Variants in MSRA observed in about 807,000 individuals in gnomAD.
MSRA encodes the protein mitochondrial peptide methionine sulfoxide reductase.
MSRA carries 54 observed loss-of-function variants against 31.3 expected under a neutral mutation model. The observed-to-expected ratio is 1.73, with a 90% CI of 1.39 to 2.17. MSRA has a LOEUF of 2.17. Among genes scored for constraint, MSRA ranks in the 30% most tolerant of loss-of-function variants. The pLI is 0.00. For synonymous variants in MSRA, 169 were observed against 116.5 expected (o/e 1.45, Z -2.90); for missense variants, 507 against 300.9 (o/e 1.69, Z -5.07).
intron 1 of MSRA, among the ~76,000 whole-genome samples, chr8:10,158,115 C>T (rs941471341): frequency 3.9e-5 from 6 of 152,168 alleles, no homozygotes; most frequent in Admixed American, 6.5e-5. Flanking sequence ...GGAAGGGCCT[C>T]TTTTATAAGG....
At chr8:10,172,121 G>A (rs1252318879) in intron 1 of MSRA, among the ~76,000 whole-genome samples, 2 of 152,206 alleles carry the variant, frequency 1.3e-5, no homozygotes, top group Non-Finnish European at 2.9e-5. Flanking sequence ...TGGCAGGGTG[G>A]CAGAACTACA....
At chr8:10,105,865 T>G (rs1287370371) in intron 1 of MSRA, among the ~76,000 whole-genome samples, 2 of 152,258 alleles carry the variant, frequency 1.3e-5, no homozygotes, top group East Asian at 3.9e-4. Flanking sequence ...ATCTTCCAAA[T>G]CACTTTGCAA....
intron 5 of MSRA, among the ~76,000 whole-genome samples, chr8:10,416,078 C>A (rs893308280): frequency 6.6e-6 from 1 of 152,126 alleles, no homozygotes; most frequent in African/African-American, 2.4e-5. Flanking sequence ...GGAACTTCTC[C>A]TGCCTGAGCC....
At chr8:10,286,669 A>C (rs1322698187) in intron 3 of MSRA, among the ~76,000 whole-genome samples, 1 of 152,216 alleles carries the variant, frequency 6.6e-6, no homozygotes, top group African/African-American at 2.4e-5. Flanking sequence ...AACACTTTCT[A>C]TCCTGTGTTT....
intron 2 of MSRA, among the ~76,000 whole-genome samples, chr8:10,235,559 AGAAAG>A (rs1286351164): frequency 1.3e-5 from 2 of 152,324 alleles, no homozygotes; most frequent in South Asian, 2.1e-4. Flanking sequence ...AATAGAAAAC[AGAAAG>A]GAAAGATGAT....
At chr8:10,171,152 T>A (rs2129046350) in intron 1 of MSRA, among the ~76,000 whole-genome samples, 1 of 152,306 alleles carries the variant, frequency 6.6e-6, no homozygotes, top group East Asian at 1.9e-4. Context: ...CCTTTAACAT[T>A]TTGCTGAATG....
rs190323627 is a variant in MSRA, at chr8:10,259,731, G to A, written c.331+14508G>A. Among the ~76,000 whole-genome samples, 785 of 152,338 alleles carry A rather than the reference G, an allele frequency of 5.2e-3. 12 individuals are homozygous for A. Among genetic ancestry groups the A allele is most frequent in the Middle Eastern group, 0.02 (6 of 294 alleles). On this transcript the variant is annotated intron_variant, in intron 3 of 5. Coordinates refer to ENST00000317173, the MANE Select transcript of MSRA (RefSeq NM_012331.5). ...GGAAACAAGGGAAAGCAGTCCAGGC[G>A]TGTGGGGGAGAGATTCAGGGTGCTT...
intron 3 of MSRA, chr8:10,250,447 T>C: frequency 1.4e-6 from 1 of 702,542 alleles, no homozygotes; most frequent in Non-Finnish European, 2.6e-6. Flanking sequence ...TCCATGTTTA[T>C]TAGTCTATTC....
intron 5 of MSRA, among the ~76,000 whole-genome samples, chr8:10,320,514 C>T (rs760833703): frequency 2.1e-4 from 32 of 152,166 alleles, no homozygotes; most frequent in Non-Finnish European, 3.4e-4. Context: ...GCCTTTGAAT[C>T]ACTCATCTAG....
At chr8:10,117,460 C>T (rs1189095736) in intron 1 of MSRA, among the ~76,000 whole-genome samples, 3 of 152,164 alleles carry the variant, frequency 2.0e-5, no homozygotes, top group Non-Finnish European at 4.4e-5. Context: ...GTCTTGTCCC[C>T]ATGGAAGTGT....
intron 1 of MSRA, among the ~76,000 whole-genome samples, chr8:10,080,155 C>T (rs1336144446): frequency 6.6e-6 from 1 of 152,160 alleles, no homozygotes. Context: ...AAGATGGAGG[C>T]CTAGCAGACT....
intron 2 of MSRA, among the ~76,000 whole-genome samples, chr8:10,227,896 A>G (rs1811135924): frequency 6.6e-6 from 1 of 152,174 alleles, no homozygotes. Context: ...ATTTAACATG[A>G]TGTAGATTTT....
intron 2 of MSRA, among the ~76,000 whole-genome samples, chr8:10,225,374 C>T (rs185103635): frequency 4.6e-5 from 7 of 152,314 alleles, no homozygotes; most frequent in Non-Finnish European, 8.8e-5. Context: ...ATGGATTACC[C>T]ATCTCTGCCT....
At chr8:10,075,274 A>G (rs968742302) in intron 1 of MSRA, among the ~76,000 whole-genome samples, 1 of 152,200 alleles carries the variant, frequency 6.6e-6, no homozygotes, top group African/African-American at 2.4e-5. Flanking sequence ...TTGAGCTTAT[A>G]TTCTGTAGTA....
At chr8:10,148,875 T>C (rs1034149892) in intron 1 of MSRA, among the ~76,000 whole-genome samples, 2 of 148,132 alleles carry the variant, frequency 1.4e-5, no homozygotes, top group Non-Finnish European at 3.0e-5. Context: ...ATTAAAGACA[T>C]GCAGAACTGG....
chr8:10,286,601 T>A (rs1385790541), intron 3 of MSRA, among the ~76,000 whole-genome samples: 1 of 152,204 alleles, frequency 6.6e-6, no homozygotes, highest in South Asian at 2.1e-4. Context: ...AAACATCCAG[T>A]TAGATATACT....
chr8:10,385,676 G>A (rs192300010), intron 5 of MSRA, among the ~76,000 whole-genome samples: 1 of 152,166 alleles, frequency 6.6e-6, no homozygotes, highest in Non-Finnish European at 1.5e-5. Context: ...TCCAGGTGGA[G>A]ATTTCCAAGA....
intron 1 of MSRA, among the ~76,000 whole-genome samples, chr8:10,148,448 C>A (rs955991783): frequency 1.3e-5 from 2 of 151,592 alleles, no homozygotes; most frequent in East Asian, 1.9e-4. Flanking sequence ...AGAGTTCCAG[C>A]CCAGCCTGGC....
intron 2 of MSRA, among the ~76,000 whole-genome samples, chr8:10,208,994 G>A (rs1009018055): frequency 6.6e-6 from 1 of 152,192 alleles, no homozygotes. Flanking sequence ...CATCAGTGAG[G>A]ATTAGCAGCT....
Sources: gnomAD v4.1 joint callset for allele counts (sites outside exome capture counted in the v4.1 genomes callset) on GRCh38, gnomAD v4.1.1 for gene constraint, MANE v1.5 for transcripts, NCBI Gene and HGNC (gene_info 2026-07-23, HGNC 2026-07-21) for gene names.